Variants in CABCOCO1 observed in about 807,000 individuals in gnomAD.
CABCOCO1 encodes the protein ciliary-associated calcium-binding coiled-coil protein 1.
A neutral mutation model predicts 35.7 loss-of-function variants in CABCOCO1; 28 were observed. The observed-to-expected ratio is 0.78, with a 90% CI of 0.58 to 1.07. CABCOCO1 has a LOEUF of 1.07. Ranked by LOEUF, CABCOCO1 falls within the 50% of genes least tolerant of loss-of-function variation. CABCOCO1 has a pLI of 0.00. For synonymous variants in CABCOCO1, 95 were observed against 100.1 expected (o/e 0.95, Z 0.30); for missense variants, 326 against 309.2 (o/e 1.05, Z -0.41).
intron 5 of CABCOCO1, among the ~76,000 whole-genome samples, chr10:61,710,352 A>G (rs1034349908): frequency 6.6e-6 from 1 of 151,700 alleles, no homozygotes; most frequent in African/African-American, 2.4e-5. Flanking sequence ...TTCTTTAGGG[A>G]GCTCTTAGAG....
chr10:61,702,643 A>G (rs1258894311), intron 5 of CABCOCO1, among the ~76,000 whole-genome samples: 2 of 152,144 alleles, frequency 1.3e-5, no homozygotes, highest in Non-Finnish European at 2.9e-5. Context: ...TCACAGTTCT[A>G]TAATATTGGG....
At chr10:61,691,737 T>G (rs1840150258) in intron 5 of CABCOCO1, among the ~76,000 whole-genome samples, 1 of 152,028 alleles carries the variant, frequency 6.6e-6, no homozygotes, top group African/African-American at 2.4e-5. Flanking sequence ...AGTGAGAACA[T>G]GCGGTGTTCG....
chr10:61,693,757 G>T (rs971534961), intron 5 of CABCOCO1, among the ~76,000 whole-genome samples: 2 of 151,988 alleles, frequency 1.3e-5, no homozygotes, highest in Non-Finnish European at 1.5e-5. Context: ...TGGAAATACG[G>T]AAGATAAAGG....
intron 5 of CABCOCO1, among the ~76,000 whole-genome samples, chr10:61,757,091 C>T (rs143859723): frequency 6.6e-6 from 1 of 151,046 alleles, no homozygotes; most frequent in African/African-American, 2.4e-5. Context: ...TGTTGTAAAA[C>T]ATGAGGTTTT....
chr10:61,743,674 T>C (rs1841596632), intron 5 of CABCOCO1, among the ~76,000 whole-genome samples: 1 of 152,140 alleles, frequency 6.6e-6, no homozygotes, highest in African/African-American at 2.4e-5. Flanking sequence ...GTCACACACA[T>C]CTTTTGTTCT....
intron 5 of CABCOCO1, among the ~76,000 whole-genome samples, chr10:61,747,119 A>G (rs930770587): frequency 2.0e-5 from 3 of 152,214 alleles, no homozygotes; most frequent in African/African-American, 7.2e-5. Context: ...ATCTGACAAA[A>G]GAATAAATTA....
intron 4 of CABCOCO1, among the ~76,000 whole-genome samples, chr10:61,687,725 A>C (rs1840009914): frequency 6.6e-6 from 1 of 152,186 alleles, no homozygotes; most frequent in Non-Finnish European, 1.5e-5. Context: ...TAACCAGGGT[A>C]ATTTCACATA....
Position 61,690,552 on chromosome 10 carries a change from A to G in CABCOCO1, c.483A>G (p.Leu161=). 1.3e-6 allele frequency: 2 copies of G among 1,596,842 alleles called. No individual in the cohort carries two copies. The highest frequency in any genetic ancestry group is 1.7e-6 in the Non-Finnish European group (2 of 1,167,176). ...GCACATTTATTTTATATTTCAGCTT[A>G]TTTCAACACTACAAGCTATACGAGT... is the stretch of plus-strand genomic sequence containing the variant. ...NAIIDYLKIS[L]FQHYKLYEFM... is the part of the protein sequence containing the mutation. Residue 161 remains leucine, a synonymous_variant, in exon 5 of 8, where the codon TTA becomes TTG. Transcript: ENST00000648843.
intron 2 of CABCOCO1, among the ~76,000 whole-genome samples, chr10:61,680,139 C>G (rs1358131414): frequency 6.6e-6 from 1 of 150,970 alleles, no homozygotes; most frequent in Non-Finnish European, 1.5e-5. Flanking sequence ...GGTGAAACCC[C>G]GTCTCTACTA....
chr10:61,676,925 G>A (rs893750979), intron 2 of CABCOCO1, among the ~76,000 whole-genome samples: 9 of 151,958 alleles, frequency 5.9e-5, no homozygotes, highest in South Asian at 2.1e-4. Flanking sequence ...TTAGCCGAGC[G>A]TGGTGGCAGG....
intron 7 of CABCOCO1, among the ~76,000 whole-genome samples, chr10:61,765,207 T>G (rs112245301): frequency 1.3e-5 from 2 of 152,264 alleles, no homozygotes; most frequent in South Asian, 4.1e-4. Context: ...TTTTTCTGTA[T>G]GTAATTTTAT....
At chr10:61,693,041 AT>A (rs1244849742) in intron 5 of CABCOCO1, among the ~76,000 whole-genome samples, 1 of 152,130 alleles carries the variant, frequency 6.6e-6, no homozygotes, top group Non-Finnish European at 1.5e-5. Context: ...TTTCTTCTAT[AT>A]TGTAAGGATA....
In CABCOCO1 at chr10:61,686,163, A is replaced by G. The variant is rs768210673; in HGVS notation, c.457A>G (p.Ile153Val). The change falls in exon 4 of 8, where the codon ATC (isoleucine) becomes GTC (valine). Residue 153 changes from isoleucine to valine, a missense_variant. By Grantham distance (29) the Ile-to-Val change is conservative. Transcript: ENST00000648843. ...NIFDVKQANAIIDYLKISLFQ... is the reference protein window; with the variant it reads ...NIFDVKQANAVIDYLKISLFQ... ...CTTTGATGTAAAACAAGCCAATGCT[A>G]TCATTGATTACTTAAAAATCAGGTA... 19 of 1,576,604 alleles carry G rather than the reference A, an allele frequency of 1.2e-5. No homozygotes were observed. Among genetic ancestry groups the G allele is most frequent in the Non-Finnish European group, 1.5e-5 (18 of 1,169,148 alleles).
intron 5 of CABCOCO1, among the ~76,000 whole-genome samples, chr10:61,755,247 G>A (rs1841873875): frequency 6.6e-6 from 1 of 152,080 alleles, no homozygotes; most frequent in Non-Finnish European, 1.5e-5. Context: ...GCATTCATAT[G>A]TTGCTACTTT....
intron 7 of CABCOCO1, among the ~76,000 whole-genome samples, chr10:61,762,680 T>C (rs942463981): frequency 6.6e-6 from 1 of 152,002 alleles, no homozygotes; most frequent in African/African-American, 2.4e-5. Context: ...AATTGAAAAA[T>C]GGGACACAGA....
At chr10:61,675,868 C>T (rs994218916) in intron 2 of CABCOCO1, among the ~76,000 whole-genome samples, 1 of 152,088 alleles carries the variant, frequency 6.6e-6, no homozygotes, top group Non-Finnish European at 1.5e-5. Context: ...TTTAAGAAAA[C>T]TTACATAAAG....
At chr10:61,681,094 T>C in intron 2 of CABCOCO1, 49 bp from the exon 3 acceptor site, 1 of 1,168,274 alleles carries the variant, frequency 8.6e-7, no homozygotes. Flanking sequence ...AAAGAAATGG[T>C]TCAATATCTA....
chr10:61,683,459 G>T (rs1289617020), intron 3 of CABCOCO1, among the ~76,000 whole-genome samples: 3 of 152,128 alleles, frequency 2.0e-5, no homozygotes, highest in African/African-American at 7.2e-5. Flanking sequence ...TACTTGGGAT[G>T]CTGAAGTGGG....
chr10:61,698,840 C>T (rs1423879034), intron 5 of CABCOCO1, among the ~76,000 whole-genome samples: 2 of 152,010 alleles, frequency 1.3e-5, no homozygotes, highest in South Asian at 2.1e-4. Flanking sequence ...CTTACGTAAA[C>T]ATTCACCCTT....
Sources: allele counts gnomAD v4.1 joint callset (sites outside exome capture counted in the v4.1 genomes callset), GRCh38; gene constraint gnomAD v4.1.1; transcripts MANE v1.5; gene names NCBI Gene and HGNC (gene_info 2026-07-23, HGNC 2026-07-21).